OSBPL3: variants seen among roughly 807,000 people sequenced by gnomAD.
OSBPL3 encodes oxysterol binding protein like 3.
A neutral mutation model predicts 120.1 loss-of-function variants in OSBPL3; 65 were observed. The ratio of observed to expected loss-of-function variants is 0.54; its 90% confidence interval spans 0.44 to 0.67. The LOEUF (loss-of-function observed/expected upper bound fraction) is 0.67, where lower values mean the gene tolerates loss of function less well. OSBPL3 is among the 30% of genes least tolerant of loss of function. The pLI, the probability that OSBPL3 is intolerant of heterozygous loss-of-function variation, is 0.00. For missense variants in OSBPL3, 1,004 were observed against 1,082.1 expected (o/e 0.93, Z 1.01); for synonymous variants, 416 against 402.6 (o/e 1.03, Z -0.40).
Position 24,889,770 on chromosome 7 carries a change from A to G in OSBPL3, c.96+2607T>C, listed in dbSNP as rs117598354. 1.7e-3 allele frequency among the ~76,000 whole-genome samples: 260 copies of G among 152,328 alleles called. 1 individual carries two copies. Among genetic ancestry groups the G allele is most frequent in the Non-Finnish European group, 3.1e-3 (210 of 68,022 alleles). On this transcript the variant is annotated intron_variant, in intron 2 of 22. Coordinates refer to ENST00000313367, the MANE Select transcript of OSBPL3 (RefSeq NM_015550.4). ...GGCTGGGACCTGAGCCAGGCTCACT[A>G]CTGGAAATCTGAAACTGTGGAGGGG...
rs1440948171 is a variant in OSBPL3, at chr7:24,833,970, G to A, written c.1746+516C>T. On this transcript the variant is annotated intron_variant, in intron 15 of 22. Coordinates refer to ENST00000313367, the MANE Select transcript of OSBPL3 (RefSeq NM_015550.4). This position sits in a 1 kb window ranked among gnomAD's most constrained non-coding sequence, Gnocchi z 4.4. ...TACTCTATAAAATAAGAGGGAGAGA[G>A]AAAAAAAGAATATTTCTGATGTGAA... is the stretch of plus-strand genomic sequence containing the variant. 3 of 356,084 alleles carry A rather than the reference G, an allele frequency of 8.4e-6. No homozygotes were observed. The highest frequency in any genetic ancestry group is 3.3e-4 in the East Asian group (2 of 6,028). 22.1% of individuals were successfully genotyped at this position (356,084 alleles called of 1,614,324 possible).
At chr7:24,810,990 G>A (rs1295553777) in intron 19 of OSBPL3, among the ~76,000 whole-genome samples, 1 of 152,206 alleles carries the variant, frequency 6.6e-6, no homozygotes, top group Non-Finnish European at 1.5e-5. Context: ...AATGAACATG[G>A]AGATGCAGGT....
chr7:24,944,605 G>T (rs1813495933), intron 1 of OSBPL3, among the ~76,000 whole-genome samples: 1 of 150,104 alleles, frequency 6.7e-6, no homozygotes, highest in East Asian at 1.9e-4. Flanking sequence ...ACTCCATCTT[G>T]GGTGAAAGAG....
Position 24,939,446 on chromosome 7 carries a change from C to T in OSBPL3, c.-150+40440G>A, listed in dbSNP as rs1361248751. On this transcript the variant is annotated intron_variant, in intron 1 of 22. Coordinates refer to ENST00000313367, the MANE Select transcript of OSBPL3 (RefSeq NM_015550.4). The surrounding 1 kb of genome is among the most constrained non-coding windows in gnomAD (Gnocchi z 4.2). ...CCCATTTCCCCTTGCTATTGATTGG[C>T]TTAAGCAAGTGCATCTGAAACAATC... 6.6e-6 allele frequency among the ~76,000 whole-genome samples: 1 copy of T among 152,186 alleles called. No individual in the cohort carries two copies. The highest frequency in any genetic ancestry group is 1.9e-4 in the East Asian group (1 of 5,194).
chr7:24,923,582 G>A (rs1414032383), intron 1 of OSBPL3, among the ~76,000 whole-genome samples: 5 of 152,084 alleles, frequency 3.3e-5, no homozygotes, highest in Admixed American at 6.5e-5. Context: ...GGGAGGGAGA[G>A]ACTAAAAGAT....
intron 1 of OSBPL3, among the ~76,000 whole-genome samples, chr7:24,951,452 T>C (rs959492629): frequency 2.0e-5 from 3 of 152,272 alleles, no homozygotes; most frequent in African/African-American, 7.2e-5. Flanking sequence ...TGTTATTAAA[T>C]ATATACATCA....
rs780522799 is a variant in OSBPL3, at chr7:24,822,356, G to A, written c.1885-2118C>T. ...CCCTGTAATTCCAGCTACTTGGGAGGCTGAGGCAGAAGGATCCCTTGAGCC... is the reference window on the plus strand; with the variant it reads ...CCCTGTAATTCCAGCTACTTGGGAGACTGAGGCAGAAGGATCCCTTGAGCC... On this transcript the variant is annotated intron_variant, in intron 16 of 22. Coordinates refer to ENST00000313367, the MANE Select transcript of OSBPL3 (RefSeq NM_015550.4). The surrounding 1 kb of genome is among the most constrained non-coding windows in gnomAD (Gnocchi z 5.8). Among the ~76,000 whole-genome samples the A allele has an allele frequency of 2.0e-5, 3 of 152,110 alleles. No individual in the cohort carries two copies. Among genetic ancestry groups the A allele is most frequent in the Non-Finnish European group, 4.4e-5 (3 of 68,022 alleles).
chr7:24,978,299 A>G lies in OSBPL3; in HGVS notation c.-150+1587T>C, dbSNP rs1030047235. ...ATCAGCTATGAAATCCTCATTCCTCATATTTACAGAGAAGGTTTCATTTAT... is the reference window on the plus strand; with the variant it reads ...ATCAGCTATGAAATCCTCATTCCTCGTATTTACAGAGAAGGTTTCATTTAT... On this transcript the variant is annotated intron_variant, in intron 1 of 22. Coordinates refer to ENST00000313367, the MANE Select transcript of OSBPL3 (RefSeq NM_015550.4). Among the ~76,000 whole-genome samples the G allele has an allele frequency of 6.6e-5, 10 of 152,388 alleles. No individual in the cohort carries two copies. The East Asian group carries it at 1.3e-3, about 21-fold the overall frequency.
At position 24,831,371 on chromosome 7, in the gene OSBPL3, AG is replaced by A. The variant is rs1359597048; in HGVS notation, c.1747-467del. ...TTAACCATTCAAAATGTGGTATTAT[AG>A]AAACCAAAACATTCATTTTGACCAA... On this transcript the variant is annotated intron_variant, in intron 15 of 22. Coordinates refer to ENST00000313367, the MANE Select transcript of OSBPL3 (RefSeq NM_015550.4). The surrounding 1 kb of genome is among the most constrained non-coding windows in gnomAD (Gnocchi z 4.0). 2.0e-5 allele frequency among the ~76,000 whole-genome samples: 3 copies of A among 152,256 alleles called. No homozygotes were observed. Among genetic ancestry groups the A allele is most frequent in the Non-Finnish European group, 4.4e-5 (3 of 68,046 alleles).
At position 24,854,500 on chromosome 7, in the gene OSBPL3, A is replaced by ACGCG. The variant is rs1338284468; in HGVS notation, c.1028-1867_1028-1866insCGCG. Among the ~76,000 whole-genome samples the ACGCG allele has an allele frequency of 7.0e-5, 6 of 85,220 alleles. No individual in the cohort carries two copies. The highest frequency in any genetic ancestry group is 3.1e-4 in the African/African-American group (6 of 19,098). The allele number at this position is 85,220 out of a possible 152,430, so 55.9% of individuals were successfully genotyped here. A position where few individuals can be genotyped will look rare whatever the true frequency, so the allele number is the denominator to read the frequency against. On this transcript the variant is annotated intron_variant, in intron 10 of 22. Transcript: ENST00000313367. This position sits in a 1 kb window ranked among gnomAD's most constrained non-coding sequence, Gnocchi z 4.1. ...GTCACAACAATTTGTACACACACAC[A>ACGCG]CGCACACACACACACACACACACAC...
chr7:24,892,229 A>T (rs112343725), intron 2 of OSBPL3, 148 bp downstream of exon 2: 16 of 631,294 alleles, frequency 2.5e-5, no homozygotes, highest in African/African-American at 1.8e-4. Flanking sequence ...ATTATACAGA[A>T]TTTACTCTCC....
intron 1 of OSBPL3, among the ~76,000 whole-genome samples, chr7:24,975,198 T>C (rs1477529963): frequency 6.6e-6 from 1 of 152,206 alleles, no homozygotes; most frequent in African/African-American, 2.4e-5. Context: ...AAATAGTACA[T>C]AACATAGGCA....
rs760821825 is a variant in OSBPL3 at position 24,808,016 on chromosome 7, C to T, written c.2318-1114G>A. Reference sequence around the variant, plus strand: ...GGGTTTAAGTGATTCTCATGCCTCACCCTCCTGAGTAGCTGGGACTACAGT... The same window carrying T: ...GGGTTTAAGTGATTCTCATGCCTCATCCTCCTGAGTAGCTGGGACTACAGT... On this transcript the variant is annotated intron_variant, in intron 20 of 22. Coordinates refer to ENST00000313367, the MANE Select transcript of OSBPL3 (RefSeq NM_015550.4). This position sits in a 1 kb window ranked among gnomAD's most constrained non-coding sequence, Gnocchi z 4.6. 3.6e-4 allele frequency among the ~76,000 whole-genome samples: 54 copies of T among 152,106 alleles called. 1 individual carries two copies. The highest frequency in any genetic ancestry group is 2.9e-5 in the Non-Finnish European group (2 of 68,010).
intron 1 of OSBPL3, among the ~76,000 whole-genome samples, chr7:24,970,428 A>C (rs1255892653): frequency 1.3e-5 from 2 of 151,986 alleles, no homozygotes; most frequent in African/African-American, 2.4e-5. Context: ...TCTTTATCTC[A>C]ATCCCATGTG....
rs986689456 is a variant in OSBPL3 at position 24,842,295 on chromosome 7, C to G, written c.1385G>C (p.Ser462Thr). 1.2e-6 allele frequency: 2 copies of G among 1,613,288 alleles called. No homozygotes were observed. Among genetic ancestry groups the G allele is most frequent in the African/African-American group, 2.7e-5 (2 of 74,866 alleles). ...TGCTCAAACCTCGTTTTCTGAAGAG[C>G]TTGGAGATAACAGAACTTCCTGAGC... ...FDAQEVLLSPSSSENEISDDD... is the reference protein window; with the variant it reads ...FDAQEVLLSPTSSENEISDDD... The change falls in exon 13 of 23, where the codon AGC becomes ACC. Residue 462 changes from serine (S) to threonine (T), a missense_variant. Ser to Thr is a moderately conservative substitution (Grantham distance 58). Around this residue, in one of 4 missense-constraint regions of OSBPL3, gnomAD observed 473 missense variants for 568.0 expected, o/e 0.83. Transcript: ENST00000313367.
chr7:24,862,053 A>G lies in OSBPL3; in HGVS notation c.871-284T>C, dbSNP rs1800639638. Among the ~76,000 whole-genome samples the G allele has an allele frequency of 6.6e-6, 1 of 151,774 alleles. No homozygotes were observed. The highest frequency in any genetic ancestry group is 6.6e-5 in the Admixed American group (1 of 15,224). ...AGGCGCCCGCCACCACGCCCGGCTA[A>G]TTTTTTGTATTTTTAGTAGAGACGG... On this transcript the variant is annotated intron_variant, in intron 9 of 22. Transcript: ENST00000313367. The surrounding 1 kb of genome is among the most constrained non-coding windows in gnomAD (Gnocchi z 4.4).
At chr7:24,960,584 C>A (rs1274130810) in intron 1 of OSBPL3, among the ~76,000 whole-genome samples, 1 of 151,900 alleles carries the variant, frequency 6.6e-6, no homozygotes, top group African/African-American at 2.4e-5. Context: ...TGAACAGGCC[C>A]AAACACTTAC....
At chr7:24,961,908 G>C (rs566947933) in intron 1 of OSBPL3, among the ~76,000 whole-genome samples, 21 of 152,242 alleles carry the variant, frequency 1.4e-4, no homozygotes, top group African/African-American at 4.6e-4. Flanking sequence ...CATTCATCAA[G>C]CATTTATCCT....
At chr7:24,980,815 T>G (rs1015573275), upstream of OSBPL3, among the ~76,000 whole-genome samples, 2 of 151,880 alleles carry the variant, frequency 1.3e-5, no homozygotes, top group Non-Finnish European at 2.9e-5. Context: ...CTGTGCAGTT[T>G]ATGTGCAAGG....
Sources: gnomAD v4.1 joint callset for allele counts (sites outside exome capture counted in the v4.1 genomes callset) on GRCh38, gnomAD v4.1.1 for gene constraint, gnomAD v4.1.1 regional missense constraint, Gnocchi (gnomAD v3.1) non-coding constraint, MANE v1.5 for transcripts, NCBI Gene and HGNC (gene_info 2026-07-23, HGNC 2026-07-21) for gene names.